The following ZNF234 variants were observed in gnomAD, a reference collection of about 807,000 sequenced individuals.
ZNF234 encodes zinc finger protein 234.
Under a neutral mutation model 10.3 loss-of-function variants are expected in ZNF234, and 4 were observed. The ratio of observed to expected loss-of-function variants is 0.39; its 90% confidence interval spans 0.19 to 0.89. The LOEUF is 0.89. ZNF234 is among the 40% of genes least tolerant of loss of function. The pLI, the probability that ZNF234 is intolerant of heterozygous loss-of-function variation, is 0.38. For missense variants in ZNF234, 711 were observed against 836.1 expected (o/e 0.85, Z 1.85); for synonymous variants, 258 against 280.1 (o/e 0.92, Z 0.79).
intron 5 of ZNF234, among the ~76,000 whole-genome samples, chr19:44,152,505 G>T (rs75281158): frequency 2.4e-4 from 36 of 152,098 alleles, no homozygotes; most frequent in African/African-American, 8.7e-4. Flanking sequence ...TGCCCTTCAC[G>T]TGAATGTTTG....
intron 3 of ZNF234, among the ~76,000 whole-genome samples, chr19:44,144,886 A>G (rs912810782): frequency 6.6e-6 from 1 of 152,316 alleles, no homozygotes; most frequent in Admixed American, 6.5e-5. Flanking sequence ...TGTGGATTCA[A>G]CCAACCACAG....
rs920103411 is a variant in ZNF234 at position 44,155,353 on chromosome 19, T to C, written c.236-899T>C. 1.1e-4 allele frequency among the ~76,000 whole-genome samples: 17 copies of C among 152,322 alleles called. 1 individual carries two copies. The East Asian group carries it at 2.9e-3, about 26-fold the overall frequency. ...AACTTTTGACTCCCCTCTAAAACTT[T>C]ACTCATGGCCTACTTTGACTGAAAG... On this transcript the variant is annotated intron_variant, in intron 5 of 5. Transcript: ENST00000426739.
intron 5 of ZNF234, among the ~76,000 whole-genome samples, chr19:44,152,990 T>A (rs541207026): frequency 1.3e-5 from 2 of 152,002 alleles, no homozygotes; most frequent in African/African-American, 4.8e-5. Flanking sequence ...TGTCATACAA[T>A]TTTTCCTTTA....
Position 44,157,641 on chromosome 19 carries a change from G to A in ZNF234, c.1625G>A (p.Cys542Tyr), listed in dbSNP as rs758270933. 1 of 1,614,102 alleles carries A rather than the reference G, an allele frequency of 6.2e-7. No individual in the cohort carries two copies. Among genetic ancestry groups the A allele is most frequent in the East Asian group, 2.2e-5 (1 of 44,864 alleles). ...CACAGTGGGGAAAAACCATTTAAAT[G>A]TGAAGAGTGTGGGAAGAGCTTCAGT... ...RVHSGEKPFK[C>Y]EECGKSFSRS... is the part of the protein sequence containing the mutation. Residue 542 changes from cysteine to tyrosine, a missense_variant, in exon 6 of 6, where the codon TGT (cysteine) becomes TAT (tyrosine). Transcript: ENST00000426739.
intron 4 of ZNF234, among the ~76,000 whole-genome samples, chr19:44,149,559 A>G (rs1473118436): frequency 6.6e-6 from 1 of 152,196 alleles, no homozygotes; most frequent in Non-Finnish European, 1.5e-5. Context: ...TAAGAAGATT[A>G]ATGAGTGCAG....
Position 44,157,501 on chromosome 19 carries a change from T to G in ZNF234, c.1485T>G (p.Arg495=). 6.2e-7 allele frequency: 1 copy of G among 1,613,964 alleles called. No individual in the cohort carries two copies. ...KCEECGKGFS[R]RADLKIHCRI... The stretch of plus-strand genomic sequence containing the variant: ...AAGAGTGCGGAAAGGGATTTAGTCG[T>G]AGAGCAGATCTTAAAATTCATTGTA... The change falls in exon 6 of 6, where the codon CGT becomes CGG. Residue 495 remains arginine (R), a synonymous_variant. Coordinates refer to ENST00000426739, the MANE Select transcript of ZNF234 (RefSeq NM_006630.3).
rs1968994213 is a variant in ZNF234, at chr19:44,159,927, G to A, written c.*1808G>A. 6.3e-6 allele frequency: 1 copy of A among 158,344 alleles called. No homozygotes were observed. Among genetic ancestry groups the A allele is most frequent in the Non-Finnish European group, 1.4e-5 (1 of 71,536 alleles). 9.8% of individuals were successfully genotyped at this position (158,344 alleles called of 1,614,324 possible). A position where few individuals can be genotyped will look rare whatever the true frequency, so the allele number is the denominator to read the frequency against. On this transcript the variant is annotated 3_prime_UTR_variant, in exon 6 of 6. Coordinates refer to ENST00000426739, the MANE Select transcript of ZNF234 (RefSeq NM_006630.3). Reference sequence around the variant, plus strand: ...GGCGCCTGTAATCCCAGCTACTCAGGAGGCTGAGGCAGGAGGATTGCTTGA... The same window carrying A: ...GGCGCCTGTAATCCCAGCTACTCAGAAGGCTGAGGCAGGAGGATTGCTTGA...
Position 44,144,561 on chromosome 19 carries a change from C to T in ZNF234, c.-72C>T. On this transcript the variant is annotated 5_prime_UTR_variant, in exon 3 of 6. Coordinates refer to ENST00000426739, the MANE Select transcript of ZNF234 (RefSeq NM_006630.3). ...CTCTTTTTGTGTCTTCCATAGTGTTCCAGGCACGATTCTGCCTTCTCTCAA... is the reference window on the plus strand; with the variant it reads ...CTCTTTTTGTGTCTTCCATAGTGTTTCAGGCACGATTCTGCCTTCTCTCAA... 7.2e-7 allele frequency: 1 copy of T among 1,395,802 alleles called. No homozygotes were observed. The highest frequency in any genetic ancestry group is 9.6e-7 in the Non-Finnish European group (1 of 1,045,738). 86.5% of individuals were successfully genotyped at this position (1,395,802 alleles called of 1,614,324 possible). A position where few individuals can be genotyped will look rare whatever the true frequency, so the allele number is the denominator to read the frequency against.
chr19:44,157,286 G>A lies in ZNF234; in HGVS notation c.1270G>A (p.Gly424Arg). 8 of 1,614,004 alleles carry A rather than the reference G, an allele frequency of 5.0e-6. No homozygotes were observed. The highest frequency in any genetic ancestry group is 6.8e-6 in the Non-Finnish European group (8 of 1,179,920). The change falls in exon 6 of 6, where the codon GGG becomes AGG. Residue 424 changes from glycine (G) to arginine (R), a missense_variant. Coordinates refer to ENST00000426739, the MANE Select transcript of ZNF234 (RefSeq NM_006630.3). ...TCAAGTGCATCTGGTAGTCCACACA[G>A]GGGAAAAACCCTATAAATGTGAAGT... ...HYQVHLVVHTGEKPYKCEVCG... is the reference protein window; with the variant it reads ...HYQVHLVVHTREKPYKCEVCG...
intron 2 of ZNF234, among the ~76,000 whole-genome samples, chr19:44,142,748 GT>G (rs1968496094): frequency 2.0e-5 from 3 of 152,118 alleles, no homozygotes; most frequent in Admixed American, 2.0e-4. Context: ...CAACTATTTT[GT>G]TTCATTTATT....
chr19:44,151,366 C>T (rs1021534803), intron 5 of ZNF234, among the ~76,000 whole-genome samples: 2 of 151,988 alleles, frequency 1.3e-5, no homozygotes, highest in African/African-American at 2.4e-5. Flanking sequence ...CCACGTCCGG[C>T]GGATTTTTGT....
At chr19:44,149,354 A>G (rs1466901970) in intron 4 of ZNF234, among the ~76,000 whole-genome samples, 2 of 152,194 alleles carry the variant, frequency 1.3e-5, no homozygotes, top group Non-Finnish European at 1.5e-5. Context: ...AGGCTGAGGC[A>G]TGAGAATCGC....
In ZNF234 at chr19:44,156,540, C is replaced by T; in HGVS notation, c.524C>T (p.Ser175Phe). The T allele has an allele frequency of 6.2e-7, 1 of 1,614,206 alleles. No homozygotes were observed. Among genetic ancestry groups the T allele is most frequent in the East Asian group, 2.2e-5 (1 of 44,890 alleles). The change falls in exon 6 of 6, where the codon TCT becomes TTT. Residue 175 changes from serine to phenylalanine, a missense_variant. Physicochemically the swap from Ser to Phe is radical, Grantham distance 155. Coordinates refer to ENST00000426739, the MANE Select transcript of ZNF234 (RefSeq NM_006630.3). ...LHQQLHSGEK[S>F]HTCDECGKSF... is the part of the protein sequence containing the mutation. The stretch of plus-strand genomic sequence containing the variant: ...CAACAGTTACACTCAGGAGAGAAGT[C>T]TCATACATGTGATGAGTGTGGAAAA...
rs142253299 is a variant in ZNF234 at position 44,156,371 on chromosome 19, A to G, written c.355A>G (p.Ile119Val). 1.9e-6 allele frequency: 3 copies of G among 1,613,630 alleles called. No homozygotes were observed. The highest frequency in any genetic ancestry group is 1.6e-4 in the Middle Eastern group (1 of 6,062). The change falls in exon 6 of 6, where the codon ATA (isoleucine) becomes GTA (valine). Residue 119 changes from isoleucine to valine, a missense_variant. Coordinates refer to ENST00000426739, the MANE Select transcript of ZNF234 (RefSeq NM_006630.3). ...TTTAATCAAGTATGAAGACTCTATG[A>G]TAAGTATTTCTCGGTTCCCCAGACA... ...SDLIKYEDSM[I>V]SISRFPRQGD...
In ZNF234 at chr19:44,142,419, G is replaced by A. The variant is rs6509146; in HGVS notation, c.-77+52G>A. 55,376 of 152,144 alleles carry A rather than the reference G, an allele frequency of 0.36. 10,193 individuals are homozygous for A. The highest frequency in any genetic ancestry group is 0.43 in the Middle Eastern group (125 of 292). 9.4% of individuals were successfully genotyped at this position (152,144 alleles called of 1,614,324 possible). A position where few individuals can be genotyped will look rare whatever the true frequency, so the allele number is the denominator to read the frequency against. ...TACAGAGACTGTATCTTTGTAGCAT[G>A]TGTAATAGGGCATGGGCATTTATAA... On this transcript the variant is annotated intron_variant, in intron 2 of 5. Transcript: ENST00000426739.
intron 3 of ZNF234, among the ~76,000 whole-genome samples, chr19:44,146,376 AGATCCCTGAG>A (rs1189326886): frequency 8.5e-5 from 13 of 152,212 alleles, no homozygotes; most frequent in Admixed American, 2.0e-4. Flanking sequence ...TTCTAGTTCT[AGATCCCTGAG>A]GAATCGCCAC....
At chr19:44,145,923 T>G (rs771455975) in intron 3 of ZNF234, among the ~76,000 whole-genome samples, 5 of 152,202 alleles carry the variant, frequency 3.3e-5, no homozygotes, top group Non-Finnish European at 7.4e-5. Context: ...CACGGAAGAT[T>G]TGCCAGTCAC....
chr19:44,148,315 G>C (rs1968652808), intron 3 of ZNF234, among the ~76,000 whole-genome samples: 1 of 152,182 alleles, frequency 6.6e-6, no homozygotes. Flanking sequence ...CTACATAGCA[G>C]TTTTAGATAT....
intron 4 of ZNF234, 84 bp from the exon 5 acceptor site, chr19:44,150,329 T>C: frequency 9.8e-7 from 1 of 1,017,336 alleles, no homozygotes. Context: ...GATTGATCAG[T>C]ATACAGTAGT....
Sources: allele counts gnomAD v4.1 joint callset (sites outside exome capture counted in the v4.1 genomes callset), GRCh38; gene constraint gnomAD v4.1.1; transcripts MANE v1.5; gene names NCBI Gene and HGNC (gene_info 2026-07-23, HGNC 2026-07-21).